EXOSC5: variants seen among roughly 807,000 people sequenced by gnomAD.
The protein encoded by EXOSC5 is exosome component 5, also known as exosome complex component RRP46.
A neutral mutation model predicts 23.7 loss-of-function variants in EXOSC5; 15 were observed. The observed-to-expected ratio is 0.63, with a 90% CI of 0.42 to 0.97. The LOEUF (loss-of-function observed/expected upper bound fraction) is 0.97. Ranked by LOEUF, EXOSC5 falls within the 50% of genes least tolerant of loss-of-function variation. EXOSC5 has a pLI of 0.00. For synonymous variants in EXOSC5, 143 were observed against 140.9 expected, an observed-to-expected ratio of 1.02 and a Z score of -0.11; for missense variants, 305 against 316.3, an observed-to-expected ratio of 0.96 and a Z score of 0.27.
chr19:41,395,856 A>G (rs1483293474), intron 1 of EXOSC5, among the ~76,000 whole-genome samples: 2 of 152,152 alleles, frequency 1.3e-5, no homozygotes, highest in Non-Finnish European at 2.9e-5. Context: ...CAAATTGCCT[A>G]TGTCCAGCTT....
chr19:41,397,270 C>G lies in EXOSC5; in HGVS notation c.59G>C (p.Ser20Thr), dbSNP rs144843967. The change falls in exon 1 of 6, where the codon AGC (serine) becomes ACC (threonine). Residue 20 changes from serine to threonine, a missense_variant. By Grantham distance (58) the Ser-to-Thr change is moderately conservative (BLOSUM62 1). Coordinates refer to ENST00000221233, the MANE Select transcript of EXOSC5 (RefSeq NM_020158.4). ...KIRAENGTGS[S>T]PRGPGCSLRH... ...GAGGCTGCAGCCAGGACCCCGAGGG[C>G]TGGACCCTGTTCCATTTTCAGCACG... The G allele has an allele frequency of 1.2e-6, 2 of 1,614,246 alleles. No homozygotes were observed. Among genetic ancestry groups the G allele is most frequent in the Middle Eastern group, 1.6e-4 (1 of 6,062 alleles).
chr19:41,388,723 C>T lies in EXOSC5; in HGVS notation c.525+1042G>A, dbSNP rs1357017995. On this transcript the variant is annotated intron_variant, in intron 4 of 5. Coordinates refer to ENST00000221233, the MANE Select transcript of EXOSC5 (RefSeq NM_020158.4). ...TTGACTAGAGGGGACCATTATAGCA[C>T]TGGGCAGAAAACTCAGAATAACTTG... is the stretch of plus-strand genomic sequence containing the variant. Among the ~76,000 whole-genome samples the T allele has an allele frequency of 2.0e-5, 3 of 152,178 alleles. No homozygotes were observed. The East Asian group carries it at 5.8e-4, about 29-fold the overall frequency.
At position 41,386,710 on chromosome 19, in the gene EXOSC5, C is replaced by A; in HGVS notation, c.631G>T (p.Ala211Ser). 1 of 1,597,170 alleles carries A rather than the reference C, an allele frequency of 6.3e-7. No individual in the cohort carries two copies. Among genetic ancestry groups the A allele is most frequent in the Non-Finnish European group, 8.5e-7 (1 of 1,173,420 alleles). Residue 211 changes from alanine (A) to serine (S), a missense_variant, in exon 6 of 6, where the codon GCT becomes TCT. Ala to Ser is a moderately conservative substitution (Grantham distance 99). Coordinates refer to ENST00000221233, the MANE Select transcript of EXOSC5 (RefSeq NM_020158.4). ...TGTTGCGAAGCGGCCTGGGCCGCAG[C>A]CAGGCACTGCTGGAGCTGCGGGGGA... is the stretch of plus-strand genomic sequence containing the variant. ...YSDTELQQCL[A>S]AAQAASQHVF... is the part of the protein sequence containing the mutation.
chr19:41,396,939 C>T (rs1345859739), intron 1 of EXOSC5, among the ~76,000 whole-genome samples: 1 of 152,012 alleles, frequency 6.6e-6, no homozygotes, highest in Non-Finnish European at 1.5e-5. Context: ...AATTCTTGGG[C>T]GGACAGTCTG....
In EXOSC5 at chr19:41,386,601, G is replaced by A. The variant is rs1404569499; in HGVS notation, c.*32C>T. 2.6e-6 allele frequency: 4 copies of A among 1,552,378 alleles called. No homozygotes were observed. The highest frequency in any genetic ancestry group is 3.5e-6 in the Non-Finnish European group (4 of 1,146,890). ...GGCTGTAGGGGGTGAGTGGGTGGAGGCAATGGGAGCGGCCCCTTGCCCCAG... is the reference window on the plus strand; with the variant it reads ...GGCTGTAGGGGGTGAGTGGGTGGAGACAATGGGAGCGGCCCCTTGCCCCAG... On this transcript the variant is annotated 3_prime_UTR_variant, in exon 6 of 6. Coordinates refer to ENST00000221233, the MANE Select transcript of EXOSC5 (RefSeq NM_020158.4).
At chr19:41,387,645 T>C in intron 4 of EXOSC5, 42 bp from the exon 5 acceptor site, 12 of 1,407,236 alleles carry the variant, frequency 8.5e-6, no homozygotes, top group Non-Finnish European at 8.7e-6. Flanking sequence ...CCTAGGACCT[T>C]CCCCTCAGAT....
intron 2 of EXOSC5, among the ~76,000 whole-genome samples, chr19:41,392,352 C>T (rs2039029464): frequency 1.3e-5 from 2 of 152,100 alleles, no homozygotes; most frequent in African/African-American, 2.4e-5. Context: ...GGGGCTGAGG[C>T]GGGCGGATCA....
intron 1 of EXOSC5, among the ~76,000 whole-genome samples, chr19:41,395,543 C>T (rs1054689754): frequency 2.6e-5 from 4 of 152,332 alleles, no homozygotes; most frequent in African/African-American, 7.2e-5. Context: ...AGCTCAACAT[C>T]GTCACCACTG....
chr19:41,393,266 C>T (rs1355332720), intron 1 of EXOSC5, among the ~76,000 whole-genome samples: 2 of 152,184 alleles, frequency 1.3e-5, no homozygotes, highest in African/African-American at 2.4e-5. Flanking sequence ...TAGTAACATT[C>T]GTCCATTCAG....
intron 5 of EXOSC5, among the ~76,000 whole-genome samples, chr19:41,387,023 C>T (rs190871936): frequency 2.7e-4 from 41 of 152,326 alleles, no homozygotes; most frequent in African/African-American, 8.9e-4. Flanking sequence ...AGCTATGGAA[C>T]TGGAGAGTGC....
intron 2 of EXOSC5, 128 bp downstream of exon 2, chr19:41,392,739 T>C (rs535131222): frequency 1.4e-6 from 1 of 692,890 alleles, no homozygotes; most frequent in African/African-American, 1.8e-5. Context: ...GGCGGAGAGT[T>C]AAAGACAGAA....
chr19:41,397,350 T>C lies in EXOSC5; in HGVS notation c.-22A>G, dbSNP rs576501387. On this transcript the variant is annotated 5_prime_UTR_variant, in exon 1 of 6. Transcript: ENST00000221233. The stretch of plus-strand genomic sequence containing the variant: ...CCATCGCGCCGAGCCCACGTGCGGC[T>C]GCAGTTGTCACTTCCGCCTGGCAGC... 3 of 1,595,164 alleles carry C rather than the reference T, an allele frequency of 1.9e-6. No individual in the cohort carries two copies. Among genetic ancestry groups the C allele is most frequent in the South Asian group, 2.2e-5 (2 of 90,142 alleles).
chr19:41,396,782 G>A (rs2039069406), intron 1 of EXOSC5, among the ~76,000 whole-genome samples: 1 of 131,512 alleles, frequency 7.6e-6, no homozygotes, highest in Admixed American at 9.0e-5. Flanking sequence ...ACAGTCCACA[G>A]TATGCAAATA....
chr19:41,386,791 C>G, intron 5 of EXOSC5, 66 bp from the exon 6 acceptor site: 2 of 1,461,370 alleles, frequency 1.4e-6, no homozygotes, highest in Non-Finnish European at 1.8e-6. Flanking sequence ...TTGGCTGACC[C>G]AGGAGGTTCT....
In EXOSC5 at chr19:41,397,242, C is replaced by A. The variant is rs1343448858; in HGVS notation, c.87G>T (p.Arg29=). 1 of 1,614,182 alleles carries A rather than the reference C, an allele frequency of 6.2e-7. No homozygotes were observed. Among genetic ancestry groups the A allele is most frequent in the South Asian group, 1.1e-5 (1 of 91,090 alleles). The stretch of plus-strand genomic sequence containing the variant: ...GCAGGTTCTGTTCGCAGGCAAAGTG[C>A]CGGAGGCTGCAGCCAGGACCCCGAG... ...SSPRGPGCSL[R]HFACEQNLLS... is the part of the protein sequence containing the mutation. The change falls in exon 1 of 6, where the codon CGG becomes CGT. Residue 29 remains arginine (R), a synonymous_variant. Coordinates refer to ENST00000221233, the MANE Select transcript of EXOSC5 (RefSeq NM_020158.4).
rs66763950 is a variant in EXOSC5, at chr19:41,386,441, TG to T, written c.*191del. On this transcript the variant is annotated 3_prime_UTR_variant, in exon 6 of 6. Coordinates refer to ENST00000221233, the MANE Select transcript of EXOSC5 (RefSeq NM_020158.4). ...GAGCTCCTTTGAATGTTATCCTTGC[TG>T]GGGGGATCTGTGCCCCCAGGCCTGG... 3.9e-3 allele frequency: 2,216 copies of T among 565,896 alleles called. 47 individuals are homozygous for T. Among genetic ancestry groups the T allele is most frequent in the African/African-American group, 0.038 (2,003 of 53,128 alleles). The allele number at this position is 565,896 out of a possible 1,614,324, so 35.1% of individuals were successfully genotyped here. A position where few individuals can be genotyped will look rare whatever the true frequency, so the allele number is the denominator to read the frequency against.
chr19:41,386,730 G>A lies in EXOSC5; in HGVS notation c.616-5C>T, dbSNP rs777754423. On this transcript the variant is annotated splice_region_variant and splice_polypyrimidine_tract_variant and intron_variant, in intron 5 of 5. Transcript: ENST00000221233. The stretch of plus-strand genomic sequence containing the variant: ...CGCAGCCAGGCACTGCTGGAGCTGC[G>A]GGGGAGAGACTGGTCGGTGCTGGGG... 3.1e-5 allele frequency: 49 copies of A among 1,581,286 alleles called. No individual in the cohort carries two copies. Among genetic ancestry groups the A allele is most frequent in the East Asian group, 4.6e-5 (2 of 43,624 alleles).
At chr19:41,391,615 G>T (rs1397622805) in intron 3 of EXOSC5, 3 of 484,006 alleles carry the variant, frequency 6.2e-6, no homozygotes, top group Non-Finnish European at 3.4e-6. Context: ...ACTTCCACGG[G>T]GATCATAAGG....
intron 4 of EXOSC5, among the ~76,000 whole-genome samples, 188 bp downstream of exon 4, chr19:41,389,577 C>A (rs1308440139): frequency 6.6e-6 from 1 of 152,198 alleles, no homozygotes; most frequent in East Asian, 1.9e-4. Context: ...ACATTTCCTT[C>A]CTAATTAAGC....
Sources: allele counts gnomAD v4.1 joint callset (sites outside exome capture counted in the v4.1 genomes callset), GRCh38; gene constraint gnomAD v4.1.1; transcripts MANE v1.5; gene names NCBI Gene and HGNC (gene_info 2026-07-23, HGNC 2026-07-21).